Variants in TPD52 observed in about 807,000 individuals in gnomAD.
TPD52 encodes the protein tumor protein D52, also known as prostate and colon associated protein.
Under a neutral mutation model 31.3 loss-of-function variants are expected in TPD52, and 17 were observed. The ratio of observed to expected loss-of-function variants is 0.54; its 90% confidence interval spans 0.37 to 0.82. The LOEUF is 0.82. TPD52 is among the 40% of genes least tolerant of loss of function. The pLI, the probability that TPD52 is intolerant of heterozygous loss-of-function variation, is 0.00. For missense variants in TPD52, 212 were observed against 240.1 expected, an observed-to-expected ratio of 0.88 and a Z score of 0.77; for synonymous variants, 83 against 89.6, an observed-to-expected ratio of 0.93 and a Z score of 0.42.
chr8:80,047,821 A>G (rs561943680), intron 5 of TPD52, among the ~76,000 whole-genome samples: 7 of 152,358 alleles, frequency 4.6e-5, no homozygotes, highest in Admixed American at 4.6e-4. Context: ...ACAGGGGCAC[A>G]TGAAGAAACA....
At chr8:80,057,770 T>C (rs1330358716) in intron 2 of TPD52, among the ~76,000 whole-genome samples, 1 of 152,100 alleles carries the variant, frequency 6.6e-6, no homozygotes, top group Non-Finnish European at 1.5e-5. Flanking sequence ...GGCATTACCA[T>C]GTAACAAACC....
chr8:80,166,258 A>G (rs1811701874), intron 1 of TPD52, among the ~76,000 whole-genome samples: 1 of 151,978 alleles, frequency 6.6e-6, no homozygotes, highest in Non-Finnish European at 1.5e-5. Context: ...GGTTGCAGTG[A>G]GCCAAATTGG....
chr8:80,088,233 G>A (rs1358460343), intron 1 of TPD52, among the ~76,000 whole-genome samples: 1 of 152,178 alleles, frequency 6.6e-6, no homozygotes, highest in Non-Finnish European at 1.5e-5. Context: ...TGCAGAGTCT[G>A]CATCCTGGTG....
chr8:80,098,007 G>A (rs1271127135), intron 1 of TPD52, among the ~76,000 whole-genome samples: 1 of 152,140 alleles, frequency 6.6e-6, no homozygotes, highest in Admixed American at 6.5e-5. Context: ...TACTCTGCCT[G>A]TGCTCTAGAA....
Position 80,072,317 on chromosome 8 carries a change from A to ATATG in TPD52, c.20-7725_20-7724insCATA, listed in dbSNP as rs1554582865. ...GAGAGACTCCATCTAAAAAACATAT[A>ATATG]TGTGTGTGTGTGTGTGTGTGTGTGT... On this transcript the variant is annotated intron_variant, in intron 1 of 7. Transcript: ENST00000518937. 9.6e-4 allele frequency among the ~76,000 whole-genome samples: 117 copies of ATATG among 121,340 alleles called. 4 individuals carry two copies. Among genetic ancestry groups the ATATG allele is most frequent in the African/African-American group, 3.9e-3 (107 of 27,426 alleles). The allele number at this position is 121,340 out of a possible 152,430, so 79.6% of individuals were successfully genotyped here.
chr8:80,040,772 A>G (rs1405413169), intron 7 of TPD52, among the ~76,000 whole-genome samples: 1 of 152,254 alleles, frequency 6.6e-6, no homozygotes, highest in South Asian at 2.1e-4. Flanking sequence ...ACTTCCTGCA[A>G]CTACAGTTTG....
At chr8:80,114,236 C>G (rs1322236756) in intron 1 of TPD52, among the ~76,000 whole-genome samples, 1 of 152,072 alleles carries the variant, frequency 6.6e-6, no homozygotes, top group Non-Finnish European at 1.5e-5. Context: ...GAGACTCCAT[C>G]TCAAAAAATA....
intron 1 of TPD52, among the ~76,000 whole-genome samples, chr8:80,069,236 G>A (rs1001162880): frequency 6.6e-6 from 1 of 152,140 alleles, no homozygotes; most frequent in Non-Finnish European, 1.5e-5. Context: ...GGCCAAGGTG[G>A]GAGGATCACT....
intron 1 of TPD52, among the ~76,000 whole-genome samples, chr8:80,079,967 G>A (rs1343782885): frequency 1.3e-5 from 2 of 152,096 alleles, no homozygotes; most frequent in East Asian, 1.9e-4. Flanking sequence ...CGGGAAAGTT[G>A]TCGTAAATTA....
intron 1 of TPD52, among the ~76,000 whole-genome samples, chr8:80,140,428 T>A (rs773173870): frequency 2.2e-4 from 33 of 152,220 alleles, no homozygotes; most frequent in Non-Finnish European, 4.3e-4. Flanking sequence ...AGAAAACAGC[T>A]CGCTTTTTCC....
intron 1 of TPD52, among the ~76,000 whole-genome samples, chr8:80,121,460 G>C (rs1366078470): frequency 2.0e-5 from 3 of 152,182 alleles, no homozygotes; most frequent in Non-Finnish European, 4.4e-5. Context: ...CTCTCAGAGA[G>C]TTTTAGGGTT....
intron 7 of TPD52, among the ~76,000 whole-genome samples, chr8:80,040,197 T>C (rs1306243899): frequency 5.0e-5 from 7 of 139,326 alleles, no homozygotes; most frequent in African/African-American, 5.5e-5. Context: ...TTTTTTTTTT[T>C]TTTTTTTTTT....
intron 1 of TPD52, among the ~76,000 whole-genome samples, chr8:80,126,137 T>C (rs1261700352): frequency 6.6e-6 from 1 of 152,222 alleles, no homozygotes; most frequent in Non-Finnish European, 1.5e-5. Context: ...TTAATATCTA[T>C]ATTTTGTTTC....
At chr8:80,134,214 C>G (rs1809230965) in intron 1 of TPD52, among the ~76,000 whole-genome samples, 1 of 152,196 alleles carries the variant, frequency 6.6e-6, no homozygotes, top group South Asian at 2.1e-4. Flanking sequence ...GCTGCATTAT[C>G]TACATATTCT....
chr8:80,095,943 T>C (rs1396723133), intron 1 of TPD52, among the ~76,000 whole-genome samples: 2 of 133,054 alleles, frequency 1.5e-5, no homozygotes, highest in African/African-American at 2.8e-5. Context: ...TGAGACTCCA[T>C]CTCTACATAC....
intron 1 of TPD52, among the ~76,000 whole-genome samples, chr8:80,099,509 CTTTT>C (rs756408673): frequency 0.07 from 9,470 of 134,484 alleles, 420 homozygotes; most frequent in African/African-American, 0.14. Context: ...GGTCTAACAT[CTTTT>C]TTTTTTTTTT....
chr8:80,157,566 G>A (rs1302185093), intron 1 of TPD52, among the ~76,000 whole-genome samples: 2 of 152,252 alleles, frequency 1.3e-5, no homozygotes, highest in East Asian at 1.9e-4. Flanking sequence ...AAAAAAACCC[G>A]AGCGAGAATA....
chr8:80,161,579 T>A (rs1389771209), intron 1 of TPD52, among the ~76,000 whole-genome samples: 1 of 152,064 alleles, frequency 6.6e-6, no homozygotes, highest in Non-Finnish European at 1.5e-5. Context: ...TCATCTTTAT[T>A]TCTTAAGCCC....
chr8:80,044,561 C>T (rs977173386), intron 5 of TPD52, among the ~76,000 whole-genome samples: 2 of 151,358 alleles, frequency 1.3e-5, no homozygotes, highest in African/African-American at 4.9e-5. Context: ...CAGTGTTTAT[C>T]GCCTCCCCTC....
Sources: gnomAD v4.1 joint callset for allele counts (sites outside exome capture counted in the v4.1 genomes callset) on GRCh38, gnomAD v4.1.1 for gene constraint, MANE v1.5 for transcripts, NCBI Gene and HGNC (gene_info 2026-07-23, HGNC 2026-07-21) for gene names.